Variants in FAM53A observed in about 807,000 individuals in gnomAD.
FAM53A encodes the protein family with sequence similarity 53 member A, also known as protein FAM53A.
In FAM53A, 28 loss-of-function variants were observed where a neutral mutation model predicts 26.6. That is an observed-to-expected ratio of 1.05 (90% CI 0.78 to 1.45). FAM53A has a LOEUF of 1.45. Among genes scored for constraint, FAM53A ranks in the 40% most tolerant of loss-of-function variants. The pLI is 0.00. For synonymous variants in FAM53A, 290 were observed against 253.1 expected, an observed-to-expected ratio of 1.15 and a Z score of -1.38; for missense variants, 650 against 575.8, an observed-to-expected ratio of 1.13 and a Z score of -1.32.
chr4:1,619,635 C>T (rs1420482465), intron 1 of FAM53A, among the ~76,000 whole-genome samples: 1 of 152,216 alleles, frequency 6.6e-6, no homozygotes, highest in Non-Finnish European at 1.5e-5. Context: ...CCACCCCCGC[C>T]CTTCATCTCC....
the FAM53A span, among the ~76,000 whole-genome samples, chr4:1,591,716 C>A: frequency 6.6e-6 from 1 of 152,212 alleles, no homozygotes; most frequent in African/African-American, 2.4e-5. Flanking sequence ...ATCCAGGGGC[C>A]TGGGAGTCCC....
downstream of FAM53A, among the ~76,000 whole-genome samples, chr4:1,637,959 TG>T (rs1389649396): frequency 6.6e-6 from 1 of 150,904 alleles, no homozygotes; most frequent in Non-Finnish European, 1.5e-5. Context: ...CAGAGGGCCC[TG>T]GGACCCCCTG....
At chr4:1,607,571 T>C in the FAM53A span, among the ~76,000 whole-genome samples, 1 of 151,348 alleles carries the variant, frequency 6.6e-6, no homozygotes, top group Non-Finnish European at 1.5e-5. Context: ...CGGGCCTAAG[T>C]GAGGCCGCCC....
At chr4:1,578,794 A>G in the FAM53A span, among the ~76,000 whole-genome samples, 18,194 of 55,434 alleles carry the variant, frequency 0.33, 3,089 homozygotes, top group East Asian at 0.7. Flanking sequence ...AGAGGGGGAG[A>G]GGAGAGAAGA....
At chr4:1,678,485 T>C (rs1715190966) in intron 1 of FAM53A, among the ~76,000 whole-genome samples, 1 of 151,644 alleles carries the variant, frequency 6.6e-6, no homozygotes, top group African/African-American at 2.4e-5. Context: ...GAACAGAGAG[T>C]CTTTTCAACA....
the FAM53A span, among the ~76,000 whole-genome samples, chr4:1,604,481 C>T: frequency 6.6e-6 from 1 of 152,064 alleles, no homozygotes; most frequent in Non-Finnish European, 1.5e-5. Flanking sequence ...GTGGGGGACA[C>T]CCAAGGTCAG....
At chr4:1,661,968 C>G (rs1052109300) in intron 2 of FAM53A, among the ~76,000 whole-genome samples, 6 of 152,108 alleles carry the variant, frequency 3.9e-5, no homozygotes, top group African/African-American at 1.4e-4. Flanking sequence ...TGCTTGTGCA[C>G]TGTGTCACTC....
At chr4:1,650,715 C>G (rs1194484106) in intron 4 of FAM53A, among the ~76,000 whole-genome samples, 1 of 149,774 alleles carries the variant, frequency 6.7e-6, no homozygotes, top group African/African-American at 2.4e-5. Flanking sequence ...AGGCTGGTCT[C>G]GAACTCCTGA....
At chr4:1,635,944 C>G (rs931205878), downstream of FAM53A, among the ~76,000 whole-genome samples, 75 of 149,426 alleles carry the variant, frequency 5.0e-4, no homozygotes, top group African/African-American at 1.5e-3. Flanking sequence ...TCTGGGTTCA[C>G]ACCATTCTCC....
At chr4:1,658,807 G>A (rs1713611122) in intron 2 of FAM53A, among the ~76,000 whole-genome samples, 1 of 152,242 alleles carries the variant, frequency 6.6e-6, no homozygotes, top group Non-Finnish European at 1.5e-5. Flanking sequence ...CCTGCCGGGT[G>A]CCCGGCAAGC....
intron 1 of FAM53A, among the ~76,000 whole-genome samples, chr4:1,676,690 T>A (rs1373360694): frequency 6.6e-6 from 1 of 152,122 alleles, no homozygotes; most frequent in East Asian, 1.9e-4. Context: ...CTGCTGCTCC[T>A]GGACTGTGCC....
intron 2 of FAM53A, 53 bp downstream of exon 2, chr4:1,668,612 CCT>C (rs762700868): frequency 5.6e-6 from 9 of 1,603,994 alleles, no homozygotes; most frequent in Admixed American, 1.7e-5. Flanking sequence ...TGGCCATTCC[CCT>C]GTGACAGCAC....
the FAM53A span, among the ~76,000 whole-genome samples, chr4:1,587,028 G>C: frequency 6.6e-6 from 1 of 152,188 alleles, no homozygotes; most frequent in African/African-American, 2.4e-5. Flanking sequence ...TTGGCCATTT[G>C]TGTGTCTTCT....
intron 4 of FAM53A, among the ~76,000 whole-genome samples, chr4:1,652,775 A>G (rs1292193081): frequency 6.9e-6 from 1 of 145,610 alleles, no homozygotes. Flanking sequence ...TACACACCAC[A>G]CAGCACACAC....
downstream of FAM53A, among the ~76,000 whole-genome samples, chr4:1,616,173 C>T (rs778860891): frequency 3.3e-5 from 5 of 152,222 alleles, no homozygotes; most frequent in Non-Finnish European, 5.9e-5. Context: ...TGCGGAGCGA[C>T]ATGAGATGCA....
the FAM53A span, among the ~76,000 whole-genome samples, chr4:1,584,075 A>G: frequency 1.1e-3 from 163 of 152,248 alleles, 1 homozygote; most frequent in Non-Finnish European, 2.0e-3. Flanking sequence ...TGTGTATTCT[A>G]TCAATCCCTT....
chr4:1,627,074 G>A (rs960045528), intron 1 of FAM53A, among the ~76,000 whole-genome samples: 6 of 152,184 alleles, frequency 3.9e-5, no homozygotes, highest in African/African-American at 1.4e-4. Context: ...CCATGTGGAC[G>A]CAGGCCAGGA....
Position 1,630,767 on chromosome 4 carries a change from G to GC in FAM53A, c.432-12657dup, listed in dbSNP as rs529698000. Among the ~76,000 whole-genome samples, 349 of 152,254 alleles carry GC rather than the reference G, an allele frequency of 2.3e-3. 2 individuals carry two copies. The highest frequency in any genetic ancestry group is 8.3e-3 in the African/African-American group (343 of 41,550). ...GCCAGGGCAGGGCAGGGTGGGGAGC[G>GC]CCCACTCGTGGGGAGGGGGCTCATT... On this transcript the variant is annotated intron_variant, in intron 1 of 1. Transcript: ENST00000489029. This position sits in a 1 kb window ranked among gnomAD's most constrained non-coding sequence, Gnocchi z 4.3.
In FAM53A at chr4:1,634,296, G is replaced by C. The variant is rs182462488; in HGVS notation, c.432-16185C>G. Among the ~76,000 whole-genome samples the C allele has an allele frequency of 4.3e-3, 654 of 152,194 alleles. 7 individuals carry two copies. The highest frequency in any genetic ancestry group is 0.015 in the African/African-American group (630 of 41,518). ...GCAGGAGGGAAGAGGTCTCTGCTGAGGGCTCCTGTTACCCTCTGAGCTCCA... is the reference window on the plus strand; with the variant it reads ...GCAGGAGGGAAGAGGTCTCTGCTGACGGCTCCTGTTACCCTCTGAGCTCCA... On this transcript the variant is annotated intron_variant, in intron 1 of 1. Coordinates refer to the FAM53A transcript ENST00000489029.
Sources: gnomAD v4.1 joint callset for allele counts (sites outside exome capture counted in the v4.1 genomes callset) on GRCh38, gnomAD v4.1.1 for gene constraint, Gnocchi (gnomAD v3.1) non-coding constraint, MANE v1.5 for transcripts, NCBI Gene and HGNC (gene_info 2026-07-23, HGNC 2026-07-21) for gene names.